CEP72: variants seen among roughly 807,000 people sequenced by gnomAD.
The protein encoded by CEP72 is centrosomal protein of 72 kDa.
CEP72 carries 78 observed loss-of-function variants against 65.7 expected under a neutral mutation model. The ratio of observed to expected loss-of-function variants is 1.19; its 90% CI spans 0.99 to 1.43. The LOEUF is 1.43. CEP72 is among the 40% of genes most tolerant of loss of function. The pLI, the probability that CEP72 is intolerant of heterozygous loss-of-function variation, is 0.00. For missense variants in CEP72, 914 were observed against 832.9 expected (o/e 1.10, Z -1.20); for synonymous variants, 358 against 351.7 (o/e 1.02, Z -0.20).
downstream of CEP72, chr5:660,134 C>G (rs1466570225): frequency 1.3e-5 from 2 of 151,982 alleles, no homozygotes; most frequent in African/African-American, 4.8e-5. Flanking sequence ...TGGACATCAC[C>G]CGTCACACTG....
downstream of CEP72, among the ~76,000 whole-genome samples, chr5:657,471 G>T (rs562637015): frequency 4.6e-5 from 7 of 152,360 alleles, no homozygotes; most frequent in African/African-American, 1.7e-4. Flanking sequence ...TTCTCTAGGA[G>T]AATTTACTTA....
chr5:669,621 C>T (rs1204001184), downstream of CEP72, among the ~76,000 whole-genome samples: 1 of 152,108 alleles, frequency 6.6e-6, no homozygotes, highest in Non-Finnish European at 1.5e-5. Flanking sequence ...TTTCTGACGG[C>T]CTCGGAGCCA....
At chr5:668,902 G>A (rs1300191656), downstream of CEP72, among the ~76,000 whole-genome samples, 24 of 152,226 alleles carry the variant, frequency 1.6e-4, no homozygotes, top group Admixed American at 1.6e-3. Context: ...GGCCAGGCTT[G>A]GAGCCAGGCA....
At chr5:618,543 A>C (rs115938852) in intron 1 of CEP72, among the ~76,000 whole-genome samples, 1 of 152,142 alleles carries the variant, frequency 6.6e-6, no homozygotes, top group Non-Finnish European at 1.5e-5. Context: ...GCCTGGGGCC[A>C]CTGCGCTGGG....
At chr5:651,057 T>TGGACTGTGAGGC (rs1739020545) in intron 11 of CEP72, among the ~76,000 whole-genome samples, 1 of 28,846 alleles carries the variant, frequency 3.5e-5, no homozygotes, top group African/African-American at 1.6e-4. Context: ...GACTGTGAGG[T>TGGACTGTGAGGC]GTGGACTGTG....
chr5:675,536 G>GTTAC, the CEP72 span, among the ~76,000 whole-genome samples: 1 of 130,022 alleles, frequency 7.7e-6, no homozygotes, highest in African/African-American at 2.7e-5. Flanking sequence ...TGTGGCCGGG[G>GTTAC]ATGCCGTGTG....
At chr5:639,561 G>T (rs1447634943) in intron 8 of CEP72, among the ~76,000 whole-genome samples, 1 of 152,234 alleles carries the variant, frequency 6.6e-6, no homozygotes, top group East Asian at 1.9e-4. Flanking sequence ...TTTGGAAGCT[G>T]CTCAGCATCT....
At chr5:642,313 C>T (rs1396405961) in intron 9 of CEP72, 5 of 984,162 alleles carry the variant, frequency 5.1e-6, no homozygotes, top group South Asian at 9.4e-5. Context: ...CATGGCCCCT[C>T]ATCTGGTGGA....
rs1275005540 is a variant in CEP72, at chr5:662,970, GTGATTC to G, written n.131-445_131-440del. 2.3e-3 allele frequency: 343 copies of G among 151,026 alleles called. 24 individuals carry two copies. Among genetic ancestry groups the G allele is most frequent in the African/African-American group, 8.5e-3 (322 of 38,054 alleles). 9.4% of individuals were successfully genotyped at this position (151,026 alleles called of 1,614,324 possible). ...CCGATGACTGCTCGTCTGTGATCGG[GTGATTC>G]CGATGACTGCTCGTCTGTGATCGGG... On this transcript the variant is annotated intron_variant and non_coding_transcript_variant, in intron 1 of 4. Transcript: ENST00000514507.
chr5:612,492 G>A lies in CEP72; in HGVS notation c.82+49G>A, dbSNP rs1206983018. On this transcript the variant is annotated intron_variant, in intron 1 of 11. Coordinates refer to ENST00000264935, the MANE Select transcript of CEP72 (RefSeq NM_018140.4). ...TGCAAGCGTGAGGTGGCGGGGGGGT[G>A]GGTGCCGAGCTTCCCGGGGCGGCGG... 4.4e-6 allele frequency: 6 copies of A among 1,367,824 alleles called. 1 individual carries two copies. Among genetic ancestry groups the A allele is most frequent in the South Asian group, 3.2e-5 (2 of 61,540 alleles). The allele number at this position is 1,367,824 out of a possible 1,614,324, so 84.7% of individuals were successfully genotyped here. A position where few individuals can be genotyped will look rare whatever the true frequency, so the allele number is the denominator to read the frequency against.
intron 4 of CEP72, among the ~76,000 whole-genome samples, chr5:626,720 G>A (rs563471998): frequency 6.6e-5 from 10 of 152,080 alleles, no homozygotes; most frequent in Admixed American, 4.6e-4. Flanking sequence ...CCAGCTACTC[G>A]GGAGGCAGGA....
chr5:666,616 T>G (rs1739927159), intron 4 of CEP72, among the ~76,000 whole-genome samples: 1 of 151,382 alleles, frequency 6.6e-6, no homozygotes, highest in South Asian at 2.1e-4. Context: ...TCAGATGCCC[T>G]GGCTCCAAAA....
rs1736341355 is a variant in CEP72, at chr5:620,828, G to A, written c.403+567G>A. On this transcript the variant is annotated intron_variant, in intron 3 of 11. Transcript: ENST00000264935. ...TCCAGGGCCCCCACAGCGATGCCCA[G>A]TAGGGAGGGTCCCTGGGTTGGGGCA... Among the ~76,000 whole-genome samples the A allele has an allele frequency of 2.0e-5, 3 of 152,336 alleles. No individual in the cohort carries two copies. In the South Asian group the frequency reaches 6.2e-4, roughly 32 times the overall value.
intron 1 of CEP72, among the ~76,000 whole-genome samples, chr5:615,375 A>G (rs1735930399): frequency 6.6e-6 from 1 of 151,924 alleles, no homozygotes; most frequent in Non-Finnish European, 1.5e-5. Flanking sequence ...ACCTCAGGTG[A>G]TCTCTGCTGG....
At chr5:619,190 G>A in intron 2 of CEP72, 73 bp downstream of exon 2, 1 of 1,438,756 alleles carries the variant, frequency 7.0e-7, no homozygotes. Context: ...AGCAGAAACG[G>A]AGTCTGTTTT....
intron 4 of CEP72, among the ~76,000 whole-genome samples, chr5:628,252 G>A (rs73734338): frequency 0.021 from 3,269 of 152,346 alleles, 125 homozygotes; most frequent in African/African-American, 0.075. Context: ...TCTCAAGACT[G>A]AACTATCACA....
chr5:635,736 T>C, intron 6 of CEP72, 152 bp downstream of exon 6: 1 of 642,828 alleles, frequency 1.6e-6, no homozygotes, highest in South Asian at 1.9e-5. Flanking sequence ...GGTCCTCCCA[T>C]GGCACAGGCA....
intron 2 of CEP72, chr5:664,615 C>T: frequency 6.0e-6 from 1 of 167,366 alleles, no homozygotes. Flanking sequence ...GTCCGCTGCA[C>T]ACAGGACAGG....
chr5:655,760 A>G (rs888617656), downstream of CEP72, among the ~76,000 whole-genome samples: 11 of 152,260 alleles, frequency 7.2e-5, no homozygotes, highest in Admixed American at 5.9e-4. The surrounding 1 kb of genome is among the most constrained non-coding windows in gnomAD (Gnocchi z 5.0). Context: ...GTACCTATTC[A>G]AGTATTTTCC....
Sources: gnomAD v4.1 joint callset for allele counts (sites outside exome capture counted in the v4.1 genomes callset) on GRCh38, gnomAD v4.1.1 for gene constraint, Gnocchi (gnomAD v3.1) non-coding constraint, MANE v1.5 for transcripts, NCBI Gene and HGNC (gene_info 2026-07-23, HGNC 2026-07-21) for gene names.